Variants in SIPA1L3 observed in about 807,000 individuals in gnomAD.
SIPA1L3 encodes signal induced proliferation associated 1 like 3, also known as signal-induced proliferation-associated 1-like protein 3.
SIPA1L3 carries 59 observed loss-of-function variants against 150.1 expected under a neutral mutation model. The ratio of observed to expected loss-of-function variants is 0.39; its 90% CI spans 0.32 to 0.49. The LOEUF (loss-of-function observed/expected upper bound fraction) is 0.49. SIPA1L3 is among the 20% of genes least tolerant of loss of function. The pLI is 0.86. For missense variants in SIPA1L3, 2,211 were observed against 2,489.5 expected, an observed-to-expected ratio of 0.89 and a Z score of 2.38; for synonymous variants, 1,070 against 1,077.6, an observed-to-expected ratio of 0.99 and a Z score of 0.14.
intron 1 of SIPA1L3, among the ~76,000 whole-genome samples, chr19:37,987,705 G>C (rs1017037036): frequency 6.6e-6 from 1 of 152,200 alleles, no homozygotes; most frequent in South Asian, 2.1e-4. Flanking sequence ...TCGATGCTCA[G>C]GTCCCACAGT....
chr19:38,201,151 G>A (rs1488701019), intron 19 of SIPA1L3, among the ~76,000 whole-genome samples: 2 of 152,164 alleles, frequency 1.3e-5, no homozygotes, highest in East Asian at 3.8e-4. Context: ...TAACACCTCC[G>A]AGGATTCCAT....
At chr19:38,026,170 G>A (rs1968505686) in intron 1 of SIPA1L3, among the ~76,000 whole-genome samples, 2 of 152,200 alleles carry the variant, frequency 1.3e-5, no homozygotes, top group South Asian at 2.1e-4. Context: ...GAGGTTGTCA[G>A]GACATGTTTC....
chr19:37,981,682 G>T (rs1215867344), intron 1 of SIPA1L3, among the ~76,000 whole-genome samples: 1 of 152,146 alleles, frequency 6.6e-6, no homozygotes, highest in East Asian at 1.9e-4. Flanking sequence ...CATTTCAGCA[G>T]CAGTGCCCTT....
At chr19:37,981,073 A>C (rs1967190074) in intron 1 of SIPA1L3, among the ~76,000 whole-genome samples, 1 of 152,208 alleles carries the variant, frequency 6.6e-6, no homozygotes, top group Admixed American at 6.5e-5. Context: ...AAGATGTGAT[A>C]GAGATGGCTT....
At chr19:37,934,576 G>A (rs1298228084) in intron 1 of SIPA1L3, among the ~76,000 whole-genome samples, 1 of 152,176 alleles carries the variant, frequency 6.6e-6, no homozygotes, top group Non-Finnish European at 1.5e-5. Flanking sequence ...TGCATAGATA[G>A]CAAATTAGAT....
intron 1 of SIPA1L3, among the ~76,000 whole-genome samples, chr19:37,996,847 C>G (rs558974663): frequency 2.6e-5 from 4 of 152,150 alleles, no homozygotes; most frequent in Non-Finnish European, 5.9e-5. Context: ...CAGGCACCCA[C>G]TACGACGCCC....
intron 2 of SIPA1L3, among the ~76,000 whole-genome samples, chr19:38,074,055 T>A (rs1192061547): frequency 6.6e-6 from 1 of 152,258 alleles, no homozygotes; most frequent in Non-Finnish European, 1.5e-5. Context: ...CTGCCTATGC[T>A]GTGCTTCTCT....
chr19:38,143,850 T>C (rs1971648738), intron 12 of SIPA1L3, among the ~76,000 whole-genome samples: 1 of 152,056 alleles, frequency 6.6e-6, no homozygotes, highest in African/African-American at 2.4e-5. Context: ...GATCTTTCTA[T>C]ACCTGAACAT....
At position 38,094,634 on chromosome 19, in the gene SIPA1L3, T is replaced by TA. The variant is rs201371213; in HGVS notation, c.1666-5322dup. On this transcript the variant is annotated intron_variant, in intron 4 of 21. Coordinates refer to ENST00000222345, the MANE Select transcript of SIPA1L3 (RefSeq NM_015073.3). Reference sequence around the variant, plus strand: ...AAAAATGTAGCTTCCTGCTTAAGGTTAAAAAATTTAAAACTCAGCTAGGTG... The same window carrying TA: ...AAAAATGTAGCTTCCTGCTTAAGGTTAAAAAAATTTAAAACTCAGCTAGGTG... 8.1e-4 allele frequency among the ~76,000 whole-genome samples: 124 copies of TA among 152,264 alleles called. 3 individuals are homozygous for TA. In the East Asian group the frequency reaches 0.018, roughly 22 times the overall value.
chr19:38,175,943 C>T (rs1453658583), intron 15 of SIPA1L3, among the ~76,000 whole-genome samples: 1 of 152,146 alleles, frequency 6.6e-6, no homozygotes, highest in African/African-American at 2.4e-5. Context: ...CGCTGTGGCT[C>T]ACGCCTGTAA....
chr19:38,184,421 GC>G (rs1457914250), intron 16 of SIPA1L3: 2 of 152,254 alleles, frequency 1.3e-5, no homozygotes, highest in Admixed American at 1.3e-4. Context: ...CAAGTGATCT[GC>G]CCGCCTGAGC....
At chr19:38,140,896 A>G (rs1038732624) in intron 10 of SIPA1L3, among the ~76,000 whole-genome samples, 9 of 151,844 alleles carry the variant, frequency 5.9e-5, no homozygotes, top group Non-Finnish European at 1.3e-4. Flanking sequence ...TTTCTCTACT[A>G]AAAATACAAA....
chr19:38,167,619 G>A (rs1275579492), intron 15 of SIPA1L3, among the ~76,000 whole-genome samples: 1 of 152,168 alleles, frequency 6.6e-6, no homozygotes, highest in Non-Finnish European at 1.5e-5. Context: ...CTGGGGTGCA[G>A]TAGTACGACC....
chr19:38,063,273 GC>G (rs952598730), intron 2 of SIPA1L3, among the ~76,000 whole-genome samples: 1 of 151,986 alleles, frequency 6.6e-6, no homozygotes, highest in African/African-American at 2.4e-5. Context: ...GCCCCCGCCG[GC>G]CCCCAGCTCC....
intron 2 of SIPA1L3, among the ~76,000 whole-genome samples, chr19:38,054,151 C>T (rs1213196143): frequency 6.6e-6 from 1 of 151,520 alleles, no homozygotes; most frequent in African/African-American, 2.4e-5. Context: ...TCAAGACCAG[C>T]CTGACCAACA....
At chr19:37,986,658 A>G (rs924746427) in intron 1 of SIPA1L3, among the ~76,000 whole-genome samples, 14 of 152,188 alleles carry the variant, frequency 9.2e-5, no homozygotes, top group African/African-American at 3.4e-4. Context: ...TTCTTTTCTT[A>G]ACCCTGGCTG....
At chr19:37,987,032 A>C (rs1187844122) in intron 1 of SIPA1L3, among the ~76,000 whole-genome samples, 2 of 152,032 alleles carry the variant, frequency 1.3e-5, no homozygotes, top group Non-Finnish European at 2.9e-5. Flanking sequence ...GGTTCAAGCA[A>C]TTCTTGTGCC....
intron 21 of SIPA1L3, among the ~76,000 whole-genome samples, chr19:38,205,616 C>T (rs571214590): frequency 3.3e-5 from 5 of 152,126 alleles, no homozygotes; most frequent in South Asian, 2.1e-4. Flanking sequence ...CATAATGCTG[C>T]GCAACCTGAA....
chr19:37,945,297 C>T (rs554145455), intron 1 of SIPA1L3, among the ~76,000 whole-genome samples: 3 of 151,730 alleles, frequency 2.0e-5, no homozygotes, highest in South Asian at 4.2e-4. Context: ...TGCAGTGGTG[C>T]GATCTCGGCT....
Sources: allele counts gnomAD v4.1 joint callset (sites outside exome capture counted in the v4.1 genomes callset), GRCh38; gene constraint gnomAD v4.1.1; transcripts MANE v1.5; gene names NCBI Gene and HGNC (gene_info 2026-07-23, HGNC 2026-07-21).